Variants in CNTNAP5 observed in about 807,000 individuals in gnomAD.
CNTNAP5 encodes the protein contactin-associated protein-like 5.
A neutral mutation model predicts 150.2 loss-of-function variants in CNTNAP5; 72 were observed. That is an observed-to-expected ratio of 0.48 (90% confidence interval 0.40 to 0.58). CNTNAP5 has a LOEUF of 0.58. Among genes scored for constraint, CNTNAP5 ranks in the 20% least tolerant of loss-of-function variants. The probability of loss-of-function intolerance (pLI) is 0.00; values close to 1 mark genes in which losing one functional copy is unlikely to be tolerated. For missense variants in CNTNAP5, 1,636 were observed against 1,626.2 expected (o/e 1.01, Z -0.10); for synonymous variants, 672 against 619.8 (o/e 1.08, Z -1.25).
intron 1 of CNTNAP5, among the ~76,000 whole-genome samples, chr2:124,193,069 T>G (rs1685497017): frequency 6.6e-6 from 1 of 152,194 alleles, no homozygotes; most frequent in Non-Finnish European, 1.5e-5. Flanking sequence ...CGTGTGTTTG[T>G]GTGTCTCTGG....
At chr2:124,774,347 G>C (rs955761809) in intron 17 of CNTNAP5, among the ~76,000 whole-genome samples, 76 of 152,094 alleles carry the variant, frequency 5.0e-4, no homozygotes, top group African/African-American at 1.8e-3. Context: ...GAGGAAAGCA[G>C]TCACTAAAAT....
At chr2:124,158,821 A>T (rs906592885) in intron 1 of CNTNAP5, among the ~76,000 whole-genome samples, 5 of 152,200 alleles carry the variant, frequency 3.3e-5, no homozygotes, top group Admixed American at 1.3e-4. Flanking sequence ...CATTTGGCAT[A>T]TCTTTCCATT....
intron 3 of CNTNAP5, among the ~76,000 whole-genome samples, chr2:124,343,731 C>T (rs993384367): frequency 6.6e-6 from 1 of 152,154 alleles, no homozygotes; most frequent in Non-Finnish European, 1.5e-5. Flanking sequence ...TCTCCTCTCT[C>T]TTTTGAGAGT....
intron 19 of CNTNAP5, among the ~76,000 whole-genome samples, chr2:124,862,551 T>C (rs747501917): frequency 9.2e-5 from 14 of 152,172 alleles, no homozygotes; most frequent in Non-Finnish European, 1.9e-4. Context: ...GGAATAACTC[T>C]GGGCCCAGGA....
intron 2 of CNTNAP5, among the ~76,000 whole-genome samples, chr2:124,233,671 C>T (rs1199930805): frequency 6.6e-6 from 1 of 151,944 alleles, no homozygotes; most frequent in Non-Finnish European, 1.5e-5. Context: ...TTCTCTCTCT[C>T]CTCTCCTTCT....
chr2:124,731,119 C>A lies in CNTNAP5; in HGVS notation c.2078-16110C>A, dbSNP rs150730324. ...ACTTTCTGTCTATGCCTTGCTCAGA[C>A]CTCTAATGAATATTAGACTTGCAGC... is the stretch of plus-strand genomic sequence containing the variant. On this transcript the variant is annotated intron_variant, in intron 13 of 23. Coordinates refer to ENST00000682447, the MANE Select transcript of CNTNAP5 (RefSeq NM_001367498.1). Among the ~76,000 whole-genome samples, 7 of 152,216 alleles carry A rather than the reference C, an allele frequency of 4.6e-5. No homozygotes were observed. The East Asian group carries it at 1.4e-3, about 29-fold the overall frequency.
At chr2:124,781,749 A>G (rs979820836) in intron 17 of CNTNAP5, among the ~76,000 whole-genome samples, 8 of 152,210 alleles carry the variant, frequency 5.3e-5, no homozygotes, top group Non-Finnish European at 1.0e-4. Flanking sequence ...TACTTCTATC[A>G]ATGACAGAGT....
intron 3 of CNTNAP5, among the ~76,000 whole-genome samples, chr2:124,339,570 T>C (rs1360221003): frequency 6.6e-6 from 1 of 152,162 alleles, no homozygotes; most frequent in East Asian, 1.9e-4. Context: ...ATAGATTAAC[T>C]GGAGAAAAGG....
chr2:124,103,018 C>T (rs1275453616), intron 1 of CNTNAP5, among the ~76,000 whole-genome samples: 3 of 152,018 alleles, frequency 2.0e-5, no homozygotes, highest in East Asian at 1.9e-4. Context: ...ACATATACAA[C>T]GGTGTTTCTG....
rs187979625 is a variant in CNTNAP5 at position 124,373,555 on chromosome 2, C to T, written c.382-43888C>T. ...TTTTCCAGTTTTATTAAAAAAAAGA[C>T]ATGTAACAATAGAGAAATTCAAACG... is the stretch of plus-strand genomic sequence containing the variant. On this transcript the variant is annotated intron_variant, in intron 3 of 23. Coordinates refer to ENST00000682447, the MANE Select transcript of CNTNAP5 (RefSeq NM_001367498.1). Among the ~76,000 whole-genome samples, 244 of 151,892 alleles carry T rather than the reference C, an allele frequency of 1.6e-3. 1 individual carries two copies. The highest frequency in any genetic ancestry group is 8.1e-3 in the South Asian group (39 of 4,804).
At chr2:124,256,744 G>C (rs10496632) in intron 3 of CNTNAP5, among the ~76,000 whole-genome samples, 41,473 of 152,028 alleles carry the variant, frequency 0.27, 5,955 homozygotes, top group South Asian at 0.49. Flanking sequence ...TTCTATGGAA[G>C]TGTATGTAAG....
At chr2:124,897,399 T>C (rs1380648861) in intron 21 of CNTNAP5, among the ~76,000 whole-genome samples, 1 of 151,516 alleles carries the variant, frequency 6.6e-6, no homozygotes, top group Non-Finnish European at 1.5e-5. Flanking sequence ...AGGAATGTGT[T>C]TGCTAGTCAT....
chr2:124,701,910 T>C (rs768217337), intron 13 of CNTNAP5, among the ~76,000 whole-genome samples: 1 of 152,008 alleles, frequency 6.6e-6, no homozygotes, highest in Non-Finnish European at 1.5e-5. Context: ...CTAAGGGGGA[T>C]TTTTTGTCTT....
At chr2:124,664,593 C>A (rs569714343) in intron 13 of CNTNAP5, among the ~76,000 whole-genome samples, 1 of 152,270 alleles carries the variant, frequency 6.6e-6, no homozygotes, top group Non-Finnish European at 1.5e-5. Context: ...GTACGTCAAA[C>A]CTGCTGCAGT....
At chr2:124,570,584 T>C (rs751309951) in intron 11 of CNTNAP5, among the ~76,000 whole-genome samples, 4 of 149,082 alleles carry the variant, frequency 2.7e-5, no homozygotes, top group African/African-American at 5.1e-5. Flanking sequence ...CTAATATTTG[T>C]TTGTTGTTTG....
chr2:124,358,134 G>A (rs984580032), intron 3 of CNTNAP5, among the ~76,000 whole-genome samples: 6 of 152,154 alleles, frequency 3.9e-5, no homozygotes, highest in South Asian at 2.1e-4. Context: ...GAATGCTTGT[G>A]ATTTTTGTAC....
intron 12 of CNTNAP5, among the ~76,000 whole-genome samples, chr2:124,620,303 A>G (rs897772529): frequency 2.6e-5 from 4 of 152,072 alleles, no homozygotes; most frequent in Non-Finnish European, 5.9e-5. Flanking sequence ...GTTCCATTAA[A>G]TCAATAACAG....
intron 11 of CNTNAP5, among the ~76,000 whole-genome samples, chr2:124,592,843 A>G (rs942047711): frequency 2.6e-5 from 4 of 152,038 alleles, no homozygotes; most frequent in Non-Finnish European, 5.9e-5. Context: ...GTAAAAGTAT[A>G]TTAGAAATGT....
chr2:124,780,213 A>G (rs1445679381), intron 17 of CNTNAP5, among the ~76,000 whole-genome samples: 2 of 152,072 alleles, frequency 1.3e-5, no homozygotes, highest in South Asian at 4.1e-4. Context: ...TCCACTTGGG[A>G]TTTTCTTTTA....
Sources: allele counts gnomAD v4.1 joint callset (sites outside exome capture counted in the v4.1 genomes callset), GRCh38; gene constraint gnomAD v4.1.1; transcripts MANE v1.5; gene names NCBI Gene and HGNC (gene_info 2026-07-23, HGNC 2026-07-21).